Variants in EYS observed in about 807,000 individuals in gnomAD.
The protein encoded by EYS is protein eyes shut homolog.
Under a neutral mutation model 282.1 loss-of-function variants are expected in EYS, and 250 were observed. The ratio of observed to expected loss-of-function variants is 0.89; its 90% CI spans 0.80 to 0.98. The LOEUF is 0.98. EYS is among the 50% of genes least tolerant of loss of function. The pLI is 0.00. For missense variants in EYS, 4,016 were observed against 3,709.0 expected, an observed-to-expected ratio of 1.08 and a Z score of -2.15; for synonymous variants, 1,355 against 1,282.9, an observed-to-expected ratio of 1.06 and a Z score of -1.20.
At chr6:63,827,268 T>A (rs1771494935) in intron 36 of EYS, among the ~76,000 whole-genome samples, 1 of 152,106 alleles carries the variant, frequency 6.6e-6, no homozygotes, top group African/African-American at 2.4e-5. Flanking sequence ...CTCCCAAATT[T>A]ATAAAACAAT....
intron 26 of EYS, among the ~76,000 whole-genome samples, chr6:64,477,883 A>C (rs1582802142): frequency 6.6e-6 from 1 of 152,068 alleles, no homozygotes; most frequent in South Asian, 2.1e-4. Flanking sequence ...TGAAATCAGT[A>C]CCCTCCTATT....
chr6:64,390,478 G>A (rs1259123301), intron 28 of EYS, among the ~76,000 whole-genome samples: 1 of 151,510 alleles, frequency 6.6e-6, no homozygotes, highest in Non-Finnish European at 1.5e-5. Flanking sequence ...TGACCCCGGA[G>A]CAGCCTAACT....
intron 12 of EYS, among the ~76,000 whole-genome samples, chr6:65,278,918 G>C (rs1404103544): frequency 6.6e-6 from 1 of 152,102 alleles, no homozygotes; most frequent in Non-Finnish European, 1.5e-5. Context: ...GCCCAGCCCG[G>C]TGGCTCCTGC....
chr6:65,114,039 C>T (rs1394451383), intron 12 of EYS, among the ~76,000 whole-genome samples: 1 of 151,798 alleles, frequency 6.6e-6, no homozygotes, highest in Non-Finnish European at 1.5e-5. Flanking sequence ...TATCTCCATC[C>T]ACCAAATAGG....
At chr6:63,935,062 A>T (rs1245615713) in intron 35 of EYS, among the ~76,000 whole-genome samples, 1 of 152,214 alleles carries the variant, frequency 6.6e-6, no homozygotes, top group Non-Finnish European at 1.5e-5. Flanking sequence ...ACTTGTGTTT[A>T]CATCTATATT....
intron 30 of EYS, among the ~76,000 whole-genome samples, chr6:64,250,175 A>G (rs1767161155): frequency 6.6e-6 from 1 of 152,180 alleles, no homozygotes; most frequent in Non-Finnish European, 1.5e-5. Context: ...CTGATTTATT[A>G]TTTTGACCTT....
chr6:64,938,521 C>T (rs774613652), intron 15 of EYS, among the ~76,000 whole-genome samples: 20 of 151,490 alleles, frequency 1.3e-4, no homozygotes, highest in South Asian at 4.1e-4. Flanking sequence ...ACTGGTTTGA[C>T]GTGATGTCTT....
At chr6:64,406,811 T>G (rs1773727386) in intron 28 of EYS, among the ~76,000 whole-genome samples, 1 of 152,018 alleles carries the variant, frequency 6.6e-6, no homozygotes, top group South Asian at 2.1e-4. Context: ...ACAACAGATG[T>G]TGGAGAGGAT....
At chr6:65,100,888 A>G (rs2150183199) in intron 12 of EYS, among the ~76,000 whole-genome samples, 1 of 151,224 alleles carries the variant, frequency 6.6e-6, no homozygotes, top group Non-Finnish European at 1.5e-5. Flanking sequence ...GAATGTGATT[A>G]GAAAGGTAGA....
intron 35 of EYS, among the ~76,000 whole-genome samples, chr6:63,933,743 G>A (rs1231823801): frequency 1.3e-5 from 2 of 152,150 alleles, no homozygotes. Flanking sequence ...CATTGCTCCA[G>A]TGACAGAGCT....
At chr6:65,588,485 G>T (rs947467082) in intron 2 of EYS, among the ~76,000 whole-genome samples, 1 of 151,990 alleles carries the variant, frequency 6.6e-6, no homozygotes, top group Non-Finnish European at 1.5e-5. Context: ...ATTGGCATCA[G>T]TCACACTTAC....
intron 5 of EYS, among the ~76,000 whole-genome samples, chr6:65,411,903 C>G (rs1454320081): frequency 6.6e-6 from 1 of 151,344 alleles, no homozygotes; most frequent in Non-Finnish European, 1.5e-5. Context: ...TTGAAGGACA[C>G]TTTTATTGTT....
At chr6:64,096,112 G>C (rs932403152) in intron 31 of EYS, among the ~76,000 whole-genome samples, 2 of 152,174 alleles carry the variant, frequency 1.3e-5, no homozygotes, top group Non-Finnish European at 2.9e-5. Flanking sequence ...AGTTTCTGCC[G>C]AGAGATCAGC....
At chr6:64,902,637 T>C (rs569266391) in intron 16 of EYS, 137 bp from the exon 17 acceptor site, 1 of 542,606 alleles carries the variant, frequency 1.8e-6, no homozygotes, top group East Asian at 3.4e-5. Context: ...CTCAAGCTTC[T>C]CATAAAACTC....
chr6:64,430,351 G>A (rs367753378), intron 28 of EYS, among the ~76,000 whole-genome samples: 3 of 152,256 alleles, frequency 2.0e-5, no homozygotes, highest in South Asian at 2.1e-4. Flanking sequence ...GCGCCAGTAC[G>A]CCGGGTGAAT....
chr6:65,590,696 T>G (rs1374032971), intron 2 of EYS, among the ~76,000 whole-genome samples: 1 of 152,042 alleles, frequency 6.6e-6, no homozygotes, highest in East Asian at 1.9e-4. Context: ...GATCAACTTT[T>G]GAAGATTCCG....
chr6:64,262,326 T>C (rs930960102), intron 30 of EYS, among the ~76,000 whole-genome samples: 21 of 151,310 alleles, frequency 1.4e-4, no homozygotes, highest in Admixed American at 1.1e-3. Context: ...TCAATATTTT[T>C]ATATTGTATA....
At chr6:65,194,067 G>A (rs554575828) in intron 12 of EYS, among the ~76,000 whole-genome samples, 8 of 151,710 alleles carry the variant, frequency 5.3e-5, no homozygotes, top group Admixed American at 1.3e-4. Flanking sequence ...TTCTCTTTTC[G>A]CCCATAAACT....
intron 29 of EYS, among the ~76,000 whole-genome samples, chr6:64,326,949 C>T (rs1582602647): frequency 6.6e-6 from 1 of 152,214 alleles, no homozygotes; most frequent in East Asian, 1.9e-4. Flanking sequence ...GGGTTGGGAA[C>T]ACTGGGAGAG....
Sources: gnomAD v4.1 joint callset for allele counts (sites outside exome capture counted in the v4.1 genomes callset) on GRCh38, gnomAD v4.1.1 for gene constraint, MANE v1.5 for transcripts, NCBI Gene and HGNC (gene_info 2026-07-23, HGNC 2026-07-21) for gene names.